The following NUSAP1 variants were observed in gnomAD, a reference collection of about 807,000 sequenced individuals.
NUSAP1 encodes nucleolar and spindle-associated protein 1.
In NUSAP1, 32 loss-of-function variants were observed where a neutral mutation model predicts 52.8. The ratio of observed to expected loss-of-function variants is 0.61; its 90% CI spans 0.46 to 0.81. The LOEUF (loss-of-function observed/expected upper bound fraction) is 0.81. NUSAP1 is among the 40% of genes least tolerant of loss of function. The pLI is 0.00. For synonymous variants in NUSAP1, 195 were observed against 183.1 expected (o/e 1.06, Z -0.52); for missense variants, 499 against 522.3 (o/e 0.96, Z 0.43).
chr15:41,374,283 G>T (rs934957830), intron 8 of NUSAP1, among the ~76,000 whole-genome samples: 1 of 152,126 alleles, frequency 6.6e-6, no homozygotes, highest in African/African-American at 2.4e-5. Context: ...CTGGATGAGG[G>T]CAGATCAGGG....
intron 1 of NUSAP1, among the ~76,000 whole-genome samples, chr15:41,334,850 TATCAAGTATTTATATGTGA>T (rs1219981869): frequency 2.6e-5 from 4 of 152,166 alleles, no homozygotes; most frequent in Non-Finnish European, 4.4e-5. Context: ...GCCTGGCCCA[TATCAAGTATTTATATGTGA>T]ATCAAGTATT....
At chr15:41,360,963 G>A (rs188789975) in intron 6 of NUSAP1, among the ~76,000 whole-genome samples, 1 of 151,986 alleles carries the variant, frequency 6.6e-6, no homozygotes, top group Non-Finnish European at 1.5e-5. Flanking sequence ...CCATGGTGGT[G>A]GGTGCCTGTA....
In NUSAP1 at chr15:41,358,135, T is replaced by C. The variant is rs373913445; in HGVS notation, c.551-14T>C. ...TTTTGTTTTGTTATTAATTTTTATA[T>C]TGGAACATTCTAGACTTTAAGAAGC... is the stretch of plus-strand genomic sequence containing the variant. On this transcript the variant is annotated splice_polypyrimidine_tract_variant and intron_variant, in intron 5 of 10. Transcript: ENST00000559596. The C allele has an allele frequency of 4.7e-5, 55 of 1,179,410 alleles. No homozygotes were observed. The highest frequency in any genetic ancestry group is 6.0e-5 in the Non-Finnish European group (49 of 817,746). 73.1% of individuals were successfully genotyped at this position (1,179,410 alleles called of 1,614,324 possible).
Position 41,371,560 on chromosome 15 carries a change from G to A in NUSAP1, c.882G>A (p.Lys294=). 3 of 1,608,458 alleles carry A rather than the reference G, an allele frequency of 1.9e-6. No homozygotes were observed. The highest frequency in any genetic ancestry group is 2.5e-6 in the Non-Finnish European group (3 of 1,178,484). The change falls in exon 8 of 11, where the codon AAG becomes AAA. Residue 294 remains lysine, a synonymous_variant. Coordinates refer to ENST00000559596, the MANE Select transcript of NUSAP1 (RefSeq NM_016359.5). The stretch of plus-strand genomic sequence containing the variant: ...CTGCTACTAAAGATAATGAGCATAA[G>A]CGTTCACTGACCAAGACTCCAGCCA... ...FSAATKDNEH[K]RSLTKTPARK...
rs1251444109 is a variant in NUSAP1, at chr15:41,380,879, C to CT, written c.*694dup. Reference sequence around the variant, plus strand: ...TAATGCTTTTAGAGACAGGGTCTCACTGTGTTGCCCAGGCTGGTCTCAAAC... The same window carrying CT: ...TAATGCTTTTAGAGACAGGGTCTCACTTGTGTTGCCCAGGCTGGTCTCAAAC... On this transcript the variant is annotated 3_prime_UTR_variant, in exon 11 of 11. Coordinates refer to ENST00000559596, the MANE Select transcript of NUSAP1 (RefSeq NM_016359.5). 1 of 152,204 alleles carries CT rather than the reference C, an allele frequency of 6.6e-6. No homozygotes were observed. The highest frequency in any genetic ancestry group is 2.4e-5 in the African/African-American group (1 of 41,454). The allele number at this position is 152,204 out of a possible 1,614,324, so 9.4% of individuals were successfully genotyped here.
chr15:41,354,191 G>A (rs1443890717), intron 4 of NUSAP1, among the ~76,000 whole-genome samples: 2 of 152,128 alleles, frequency 1.3e-5, no homozygotes, highest in Admixed American at 6.6e-5. Flanking sequence ...GCTGGGCAAC[G>A]TAGTGAGACC....
intron 7 of NUSAP1, among the ~76,000 whole-genome samples, chr15:41,368,728 CTTTTTTTTT>C (rs57501156): frequency 4.1e-3 from 317 of 77,964 alleles, no homozygotes; most frequent in South Asian, 0.012. Flanking sequence ...TTATTTTATT[CTTTTTTTTT>C]TTTTTTTTTT....
At chr15:41,341,636 C>G (rs1309948963) in intron 1 of NUSAP1, among the ~76,000 whole-genome samples, 1 of 152,310 alleles carries the variant, frequency 6.6e-6, no homozygotes, top group African/African-American at 2.4e-5. Flanking sequence ...ACTGATTTCA[C>G]TTCCTAAGAA....
chr15:41,339,156 A>G (rs1332219433), intron 1 of NUSAP1, among the ~76,000 whole-genome samples: 1 of 152,180 alleles, frequency 6.6e-6, no homozygotes, highest in Non-Finnish European at 1.5e-5. Context: ...TATGGGCCAC[A>G]TATTAGGTGA....
chr15:41,377,138 A>C, intron 9 of NUSAP1, 58 bp from the exon 10 acceptor site: 1 of 862,040 alleles, frequency 1.2e-6, no homozygotes, highest in Non-Finnish European at 1.8e-6. Context: ...AAGAGAATGA[A>C]GTTGGGAATA....
chr15:41,337,212 T>C (rs1208430391), intron 1 of NUSAP1, among the ~76,000 whole-genome samples: 4 of 151,802 alleles, frequency 2.6e-5, no homozygotes, highest in African/African-American at 7.3e-5. Flanking sequence ...AGAGATGAGG[T>C]CTGACTATGT....
chr15:41,363,137 A>T (rs914556417), intron 6 of NUSAP1, among the ~76,000 whole-genome samples: 1 of 151,980 alleles, frequency 6.6e-6, no homozygotes, highest in East Asian at 1.9e-4. Context: ...AAATACAAAA[A>T]TTAGCCAGAC....
chr15:41,344,360 C>A (rs1235813987), intron 2 of NUSAP1: 2 of 151,418 alleles, frequency 1.3e-5, no homozygotes, highest in East Asian at 3.9e-4. Flanking sequence ...AAAACCAGGC[C>A]AGGCGCGGTG....
intron 7 of NUSAP1, among the ~76,000 whole-genome samples, chr15:41,366,674 C>T (rs2049431009): frequency 1.3e-5 from 2 of 152,226 alleles, no homozygotes; most frequent in Non-Finnish European, 2.9e-5. Flanking sequence ...TTGTGTATCT[C>T]ACTGAGTTCC....
intron 10 of NUSAP1, among the ~76,000 whole-genome samples, chr15:41,379,764 C>G (rs931029778): frequency 5.3e-5 from 8 of 152,108 alleles, no homozygotes; most frequent in African/African-American, 1.9e-4. Flanking sequence ...CCAGGCTGGT[C>G]TCGAACTCCT....
intron 6 of NUSAP1, among the ~76,000 whole-genome samples, chr15:41,363,239 T>TC (rs1343072217): frequency 1.4e-5 from 2 of 144,636 alleles, no homozygotes; most frequent in East Asian, 4.0e-4. Context: ...TGAGCCAATA[T>TC]CACGCCATTG....
At chr15:41,355,493 A>G (rs955192327) in intron 4 of NUSAP1, among the ~76,000 whole-genome samples, 1 of 151,592 alleles carries the variant, frequency 6.6e-6, no homozygotes, top group Admixed American at 6.6e-5. Flanking sequence ...ATATGTTTAT[A>G]TAACTTCTCC....
chr15:41,345,390 T>G, intron 2 of NUSAP1: 1 of 384,038 alleles, frequency 2.6e-6, no homozygotes, highest in Non-Finnish European at 5.0e-6. Context: ...CTTTTTTAGC[T>G]CATCTTGAAA....
chr15:41,350,226 G>A (rs1287364963), intron 3 of NUSAP1, among the ~76,000 whole-genome samples: 7 of 152,092 alleles, frequency 4.6e-5, no homozygotes, highest in African/African-American at 1.2e-4. Context: ...AAGACTGAGC[G>A]GGTTTTTATA....
Sources: gnomAD v4.1 joint callset for allele counts (sites outside exome capture counted in the v4.1 genomes callset) on GRCh38, gnomAD v4.1.1 for gene constraint, MANE v1.5 for transcripts, NCBI Gene and HGNC (gene_info 2026-07-23, HGNC 2026-07-21) for gene names.